The following KANK1 variants were observed in gnomAD, a reference collection of about 807,000 sequenced individuals.
The protein encoded by KANK1 is KN motif and ankyrin repeat domains 1.
Under a neutral mutation model 106.2 loss-of-function variants are expected in KANK1, and 109 were observed. The ratio of observed to expected loss-of-function variants is 1.03; its 90% CI spans 0.88 to 1.20. KANK1 has a LOEUF of 1.20. Ranked by LOEUF, KANK1 falls within the 50% of genes most tolerant of loss-of-function variation. The probability of loss-of-function intolerance (pLI) is 0.00; values close to 1 mark genes in which losing one functional copy is unlikely to be tolerated. For synonymous variants in KANK1, 873 were observed against 652.2 expected (o/e 1.34, Z -5.16); for missense variants, 2,399 against 1,710.7 (o/e 1.40, Z -7.10).
intron 8 of KANK1, among the ~76,000 whole-genome samples, chr9:739,545 C>T (rs574447833): frequency 6.6e-6 from 1 of 152,234 alleles, no homozygotes; most frequent in East Asian, 1.9e-4. Context: ...ATTTCAAGCC[C>T]CTCCTCTTCA....
At chr9:581,886 G>C (rs889820833) in intron 1 of KANK1, among the ~76,000 whole-genome samples, 3 of 152,168 alleles carry the variant, frequency 2.0e-5, no homozygotes, top group Non-Finnish European at 2.9e-5. Context: ...GGTGCAGCCA[G>C]AGTGCAGGTA....
intron 1 of KANK1, among the ~76,000 whole-genome samples, chr9:618,506 C>T (rs1832399840): frequency 6.6e-6 from 1 of 152,076 alleles, no homozygotes; most frequent in Non-Finnish European, 1.5e-5. Context: ...CCATGCCTGG[C>T]CCCAGATTAC....
chr9:518,989 C>T (rs1270758373), intron 1 of KANK1, among the ~76,000 whole-genome samples: 2 of 151,526 alleles, frequency 1.3e-5, no homozygotes, highest in African/African-American at 4.9e-5. Flanking sequence ...CTTCCAGGTT[C>T]CAGTGATTCT....
At chr9:658,296 T>C (rs181469408) in intron 1 of KANK1, among the ~76,000 whole-genome samples, 12 of 152,214 alleles carry the variant, frequency 7.9e-5, no homozygotes, top group Admixed American at 7.8e-4. Context: ...TCAATGACTT[T>C]TAACTTAGAA....
intron 2 of KANK1, among the ~76,000 whole-genome samples, chr9:680,594 T>C (rs1443707612): frequency 6.6e-6 from 1 of 152,176 alleles, no homozygotes; most frequent in Non-Finnish European, 1.5e-5. Context: ...ACGTGCTGTT[T>C]TAGGTACTGG....
chr9:595,088 A>G (rs1396875209), intron 1 of KANK1, among the ~76,000 whole-genome samples: 1 of 151,926 alleles, frequency 6.6e-6, no homozygotes, highest in Non-Finnish European at 1.5e-5. Context: ...TAATAATCAC[A>G]TTGAAATAGC....
chr9:734,958 G>C (rs1421247768), intron 7 of KANK1, 123 bp downstream of exon 7: 1 of 690,722 alleles, frequency 1.4e-6, no homozygotes. Flanking sequence ...ACTGTTTCCA[G>C]CATGAGTGGG....
At chr9:539,767 G>C (rs1207028560) in intron 1 of KANK1, 1 of 152,142 alleles carries the variant, frequency 6.6e-6, no homozygotes, top group Non-Finnish European at 1.5e-5. Flanking sequence ...GATTACAGGT[G>C]TGAACCATTG....
rs2059177581 is a variant in KANK1 at position 514,221 on chromosome 9, TTCC to T, written c.-84+9471_-84+9473del. ...CTCCCTCCCTCTCTCCCTCCCTCCC[TTCC>T]TCCCTCCCTCCCTCCCTTCCTTCCT... On this transcript the variant is annotated intron_variant, in intron 1 of 11. Coordinates refer to ENST00000382297, the MANE Select transcript of KANK1 (RefSeq NM_015158.5). Among the ~76,000 whole-genome samples, 2 of 87,914 alleles carry T rather than the reference TTCC, an allele frequency of 2.3e-5. 1 individual carries two copies. The highest frequency in any genetic ancestry group is 1.9e-4 in the African/African-American group (2 of 10,636). 57.7% of individuals were successfully genotyped at this position (87,914 alleles called of 152,430 possible).
At chr9:485,419 A>T (rs928874419) in intron 3 of KANK1, among the ~76,000 whole-genome samples, 1 of 152,240 alleles carries the variant, frequency 6.6e-6, no homozygotes, top group Non-Finnish European at 1.5e-5. Context: ...GAATATTTCT[A>T]TAATCACAAA....
intron 1 of KANK1, among the ~76,000 whole-genome samples, chr9:622,542 C>A (rs925843664): frequency 6.6e-6 from 1 of 152,088 alleles, no homozygotes; most frequent in Admixed American, 6.5e-5. Flanking sequence ...ACTGGATATC[C>A]ACCTGCCAAA....
intron 2 of KANK1, chr9:706,750 C>G (rs1165494634): frequency 1.3e-5 from 13 of 984,462 alleles, no homozygotes; most frequent in Non-Finnish European, 1.4e-5. Flanking sequence ...TCAGGCAGTG[C>G]TCTGGAACCA....
intron 1 of KANK1, among the ~76,000 whole-genome samples, chr9:611,451 GTCC>G (rs1830533345): frequency 6.6e-6 from 1 of 152,162 alleles, no homozygotes; most frequent in African/African-American, 2.4e-5. Context: ...TAAGGCCCAT[GTCC>G]TCTGTCTCTC....
At chr9:663,367 A>G (rs1244007038) in intron 1 of KANK1, among the ~76,000 whole-genome samples, 1 of 152,210 alleles carries the variant, frequency 6.6e-6, no homozygotes, top group Non-Finnish European at 1.5e-5. Context: ...TCATATTTAT[A>G]AAGTCAAGGT....
At chr9:592,956 G>C (rs1385483053) in intron 1 of KANK1, among the ~76,000 whole-genome samples, 2 of 151,898 alleles carry the variant, frequency 1.3e-5, no homozygotes, top group African/African-American at 2.4e-5. Flanking sequence ...TCAATACCAA[G>C]AAAGATGATC....
intron 1 of KANK1, among the ~76,000 whole-genome samples, chr9:612,906 C>T (rs1352174472): frequency 6.6e-6 from 1 of 152,126 alleles, no homozygotes; most frequent in Non-Finnish European, 1.5e-5. Flanking sequence ...GTGATATTTG[C>T]CATACATATG....
chr9:682,892 G>A (rs931416673), intron 2 of KANK1, among the ~76,000 whole-genome samples: 3 of 152,224 alleles, frequency 2.0e-5, no homozygotes, highest in Admixed American at 6.5e-5. Context: ...GCAGAATGCT[G>A]CAGTGCGGTG....
chr9:511,243 A>C (rs552888312), intron 1 of KANK1, among the ~76,000 whole-genome samples: 1 of 152,166 alleles, frequency 6.6e-6, no homozygotes, highest in African/African-American at 2.4e-5. Context: ...GGTTTTGAAA[A>C]AGTAAAAGGT....
chr9:576,088 C>A (rs559973590), intron 1 of KANK1, among the ~76,000 whole-genome samples: 1 of 152,196 alleles, frequency 6.6e-6, no homozygotes, highest in Admixed American at 6.5e-5. Flanking sequence ...GCATCATTCA[C>A]ATCATCTGGG....
Sources: allele counts gnomAD v4.1 joint callset (sites outside exome capture counted in the v4.1 genomes callset), GRCh38; gene constraint gnomAD v4.1.1; transcripts MANE v1.5; gene names NCBI Gene and HGNC (gene_info 2026-07-23, HGNC 2026-07-21).